The following CACNA1E variants were observed in gnomAD, a reference collection of about 807,000 sequenced individuals.
CACNA1E encodes calcium voltage-gated channel subunit alpha1 E, also known as voltage-dependent R-type calcium channel subunit alpha-1E.
Under a neutral mutation model 259.2 loss-of-function variants are expected in CACNA1E, and 40 were observed. The ratio of observed to expected loss-of-function variants is 0.15; its 90% CI spans 0.12 to 0.20. CACNA1E has a LOEUF of 0.20. Ranked by LOEUF, CACNA1E falls within the 10% of genes least tolerant of loss-of-function variation. The pLI is 1.00. For synonymous variants in CACNA1E, 1,104 were observed against 1,138.5 expected (o/e 0.97, Z 0.61); for missense variants, 1,874 against 3,040.1 (o/e 0.62, Z 9.02).
At chr1:181,504,841 A>G (rs1303307372) in intron 1 of CACNA1E, among the ~76,000 whole-genome samples, 2 of 152,234 alleles carry the variant, frequency 1.3e-5, no homozygotes, top group African/African-American at 4.8e-5. Flanking sequence ...TATTTTTATC[A>G]TTTCCCTAAT....
chr1:181,638,369 A>G (rs1657430260), intron 6 of CACNA1E, among the ~76,000 whole-genome samples: 1 of 152,228 alleles, frequency 6.6e-6, no homozygotes, highest in African/African-American at 2.4e-5. Context: ...ATTGTTGTAA[A>G]TACCAGCATC....
chr1:181,588,076 C>T (rs1336543255), intron 6 of CACNA1E, among the ~76,000 whole-genome samples: 1 of 152,192 alleles, frequency 6.6e-6, no homozygotes, highest in Non-Finnish European at 1.5e-5. Flanking sequence ...GCATGTGCCG[C>T]ACATGTGCAG....
chr1:181,541,898 T>C (rs1453683976), intron 3 of CACNA1E, among the ~76,000 whole-genome samples: 4 of 152,150 alleles, frequency 2.6e-5, no homozygotes, highest in African/African-American at 4.8e-5. Context: ...CTCCCCACCA[T>C]TGTATCAGGT....
At chr1:181,436,886 G>A (rs1660123186) in intron 2 of CACNA1E, among the ~76,000 whole-genome samples, 1 of 152,136 alleles carries the variant, frequency 6.6e-6, no homozygotes, top group Non-Finnish European at 1.5e-5. Context: ...ATAGGTATAT[G>A]AGGTGATGGA....
intron 1 of CACNA1E, among the ~76,000 whole-genome samples, chr1:181,501,218 C>T (rs560776743): frequency 1.3e-5 from 2 of 152,272 alleles, no homozygotes; most frequent in South Asian, 2.1e-4. Flanking sequence ...ACACGCAAAA[C>T]AAATGAATTT....
chr1:181,718,203 G>A (rs571115542), intron 12 of CACNA1E, 36 bp downstream of exon 12: 15 of 1,029,012 alleles, frequency 1.5e-5, no homozygotes, highest in Middle Eastern at 4.0e-4. Context: ...CTCCTGCTTC[G>A]TGTTGATATG....
rs188803166 is a variant in CACNA1E, at chr1:181,519,950, G to A, written c.512+8440G>A. On this transcript the variant is annotated intron_variant, in intron 3 of 47. Coordinates refer to ENST00000367573, the MANE Select transcript of CACNA1E (RefSeq NM_001205293.3). ...TGATGATGTAACCCATCTCAGCTTG[G>A]CTTTCCTTTATGAAACTTCATTTAT... 2.6e-4 allele frequency among the ~76,000 whole-genome samples: 39 copies of A among 152,110 alleles called. No homozygotes were observed. The East Asian group carries it at 7.4e-3, about 29-fold the overall frequency.
chr1:181,757,896 G>A (rs1016053851), intron 30 of CACNA1E, 51 bp from the exon 31 acceptor site: 3 of 1,589,300 alleles, frequency 1.9e-6, no homozygotes, highest in Admixed American at 3.4e-5. Context: ...AGCCTGCCAT[G>A]GTAGATCTAG....
intron 39 of CACNA1E, among the ~76,000 whole-genome samples, chr1:181,782,608 C>A (rs1257707254): frequency 2.0e-5 from 3 of 152,212 alleles, no homozygotes; most frequent in Admixed American, 2.0e-4. Flanking sequence ...AGAGACCCTT[C>A]TTTGGGAAGA....
intron 7 of CACNA1E, among the ~76,000 whole-genome samples, chr1:181,700,944 T>C (rs1197154014): frequency 3.3e-5 from 5 of 152,152 alleles, no homozygotes; most frequent in Non-Finnish European, 7.4e-5. Flanking sequence ...CTTTCCCATC[T>C]CCACCATCCC....
intron 1 of CACNA1E, among the ~76,000 whole-genome samples, chr1:181,352,668 G>T (rs1352205625): frequency 6.6e-6 from 1 of 152,210 alleles, no homozygotes; most frequent in African/African-American, 2.4e-5. Context: ...GAAAGAAATA[G>T]ATCAGAGAAG....
At chr1:181,346,399 A>C (rs775472775) in intron 1 of CACNA1E, among the ~76,000 whole-genome samples, 1 of 152,242 alleles carries the variant, frequency 6.6e-6, no homozygotes. Context: ...TGCAGGCTAC[A>C]GAAGGATAGG....
chr1:181,343,307 G>A (rs1279639488), intron 1 of CACNA1E, among the ~76,000 whole-genome samples: 1 of 152,148 alleles, frequency 6.6e-6, no homozygotes, highest in Non-Finnish European at 1.5e-5. Flanking sequence ...TGCTGGAGGT[G>A]GGCGTAGGGG....
intron 2 of CACNA1E, among the ~76,000 whole-genome samples, chr1:181,424,639 T>A (rs1659022119): frequency 6.6e-6 from 1 of 152,238 alleles, no homozygotes; most frequent in South Asian, 2.1e-4. Context: ...TCTCTGCCAC[T>A]CCCTTTCTCT....
At chr1:181,788,460 G>A (rs886464103) in intron 43 of CACNA1E, among the ~76,000 whole-genome samples, 1 of 152,176 alleles carries the variant, frequency 6.6e-6, no homozygotes, top group African/African-American at 2.4e-5. Context: ...AAGAAAAGTT[G>A]CATTTTCAGT....
At chr1:181,728,126 C>T (rs1422163733) in intron 18 of CACNA1E, among the ~76,000 whole-genome samples, 1 of 152,164 alleles carries the variant, frequency 6.6e-6, no homozygotes, top group Non-Finnish European at 1.5e-5. Flanking sequence ...ACTCCACCTT[C>T]CCTGAACTCA....
intron 1 of CACNA1E, among the ~76,000 whole-genome samples, chr1:181,368,793 A>G (rs1470595985): frequency 2.0e-5 from 3 of 152,230 alleles, no homozygotes; most frequent in Non-Finnish European, 2.9e-5. Flanking sequence ...ATTTGTTTCT[A>G]ACTTTCCAAG....
At chr1:181,354,324 C>T (rs1173489835) in intron 1 of CACNA1E, among the ~76,000 whole-genome samples, 1 of 152,114 alleles carries the variant, frequency 6.6e-6, no homozygotes, top group Non-Finnish European at 1.5e-5. Flanking sequence ...AAATCTACAG[C>T]ATGTTAGATG....
chr1:181,446,716 CTTG>C (rs535386955), intron 2 of CACNA1E, among the ~76,000 whole-genome samples: 200 of 152,224 alleles, frequency 1.3e-3, no homozygotes, highest in African/African-American at 4.5e-3. Flanking sequence ...ACTCTCGTAT[CTTG>C]TTGTCTGGTT....
Sources: gnomAD v4.1 joint callset for allele counts (sites outside exome capture counted in the v4.1 genomes callset) on GRCh38, gnomAD v4.1.1 for gene constraint, MANE v1.5 for transcripts, NCBI Gene and HGNC (gene_info 2026-07-23, HGNC 2026-07-21) for gene names.